Variants in AP1B1 observed in about 807,000 individuals in gnomAD.
AP1B1 encodes the protein adaptor related protein complex 1 subunit beta 1.
In AP1B1, 36 loss-of-function variants were observed where a neutral mutation model predicts 104.3. The ratio of observed to expected loss-of-function variants is 0.35; its 90% confidence interval spans 0.26 to 0.46. The LOEUF (loss-of-function observed/expected upper bound fraction) is 0.46. Ranked by LOEUF, AP1B1 falls within the 20% of genes least tolerant of loss-of-function variation. The pLI, the probability that AP1B1 is intolerant of heterozygous loss-of-function variation, is 1.00. For synonymous variants in AP1B1, 504 were observed against 517.5 expected (o/e 0.97, Z 0.35); for missense variants, 901 against 1,247.9 (o/e 0.72, Z 4.19).
intron 16 of AP1B1, among the ~76,000 whole-genome samples, chr22:29,338,512 C>T (rs992830544): frequency 6.6e-6 from 1 of 152,184 alleles, no homozygotes; most frequent in African/African-American, 2.4e-5. Flanking sequence ...TTTATGTCTC[C>T]TCCATGCAGT....
At chr22:29,364,644 G>A (rs1234642871) in intron 2 of AP1B1, among the ~76,000 whole-genome samples, 2 of 151,048 alleles carry the variant, frequency 1.3e-5, no homozygotes, top group Non-Finnish European at 2.9e-5. Context: ...GTCTTGAACT[G>A]ATCTCGTGAT....
intron 17 of AP1B1, among the ~76,000 whole-genome samples, chr22:29,332,487 T>C (rs2061576042): frequency 6.6e-6 from 1 of 152,136 alleles, no homozygotes; most frequent in Non-Finnish European, 1.5e-5. Context: ...TCCTCATGGG[T>C]GTGAGACACG....
intron 11 of AP1B1, among the ~76,000 whole-genome samples, chr22:29,346,800 G>T (rs540899960): frequency 6.6e-6 from 1 of 152,108 alleles, no homozygotes; most frequent in Admixed American, 6.5e-5. Context: ...GCAGTGGGGG[G>T]GGGTGACGGT....
At chr22:29,334,458 A>G in intron 16 of AP1B1, 48 bp from the exon 17 acceptor site, 2 of 1,551,740 alleles carry the variant, frequency 1.3e-6, no homozygotes, top group Non-Finnish European at 1.7e-6. Context: ...CTCTTCCTGC[A>G]GCCCAAACTC....
intron 1 of AP1B1, among the ~76,000 whole-genome samples, chr22:29,382,211 C>T (rs2062447350): frequency 6.6e-6 from 1 of 151,938 alleles, no homozygotes; most frequent in Admixed American, 6.6e-5. Context: ...GTGCCATGCC[C>T]AGCTAATCTT....
At chr22:29,346,426 G>C (rs2061793428) in intron 11 of AP1B1, among the ~76,000 whole-genome samples, 1 of 152,206 alleles carries the variant, frequency 6.6e-6, no homozygotes. Context: ...GTTTCAGGAT[G>C]AAACTGCTCC....
Position 29,339,586 on chromosome 22 carries a change from C to T in AP1B1, c.2019+168G>A, listed in dbSNP as rs573067337. Among the ~76,000 whole-genome samples, 7 of 151,904 alleles carry T rather than the reference C, an allele frequency of 4.6e-5. No homozygotes were observed. The East Asian group carries it at 1.4e-3, about 30-fold the overall frequency. ...CATGGCTATGGGGCCCAGTGGCAGC[C>T]GGATGCCAGGTGGTCAAGACAGAGG... On this transcript the variant is annotated intron_variant, in intron 15 of 22. Coordinates refer to ENST00000357586, the MANE Select transcript of AP1B1 (RefSeq NM_001127.4).
intron 1 of AP1B1, among the ~76,000 whole-genome samples, chr22:29,382,537 G>T (rs1246047960): frequency 6.6e-6 from 1 of 152,134 alleles, no homozygotes. Flanking sequence ...CCGTAAGCAA[G>T]ATAAGTGAGT....
chr22:29,343,372 G>A (rs1028063835), intron 11 of AP1B1, among the ~76,000 whole-genome samples: 5 of 152,254 alleles, frequency 3.3e-5, no homozygotes, highest in African/African-American at 1.2e-4. Flanking sequence ...CAGCAGGAGG[G>A]CACTTGTGCA....
chr22:29,375,174 C>T (rs1376468709), intron 1 of AP1B1, among the ~76,000 whole-genome samples: 8 of 150,206 alleles, frequency 5.3e-5, no homozygotes, highest in Admixed American at 1.3e-4. Flanking sequence ...CATAGTGAAA[C>T]CCCGTCTCTA....
intron 16 of AP1B1, among the ~76,000 whole-genome samples, chr22:29,337,136 T>G (rs2061650269): frequency 6.6e-6 from 1 of 152,220 alleles, no homozygotes; most frequent in African/African-American, 2.4e-5. Flanking sequence ...CACAGGTGGT[T>G]CTCACGCTCT....
In AP1B1 at chr22:29,328,705, C is replaced by T; in HGVS notation, c.*116G>A. ...GGTTCTGCCATCAGGACCAGGGAGC[C>T]CACTGAGTGGCCTGGAGCCCCGCCT... On this transcript the variant is annotated 3_prime_UTR_variant, in exon 23 of 23. Transcript: ENST00000357586. The surrounding 1 kb of genome is among the most constrained non-coding windows in gnomAD (Gnocchi z 4.1). 7.6e-7 allele frequency: 1 copy of T among 1,310,578 alleles called. No individual in the cohort carries two copies. Among genetic ancestry groups the T allele is most frequent in the Non-Finnish European group, 1.0e-6 (1 of 960,096 alleles). The allele number at this position is 1,310,578 out of a possible 1,614,324, so 81.2% of individuals were successfully genotyped here. A position where few individuals can be genotyped will look rare whatever the true frequency, so the allele number is the denominator to read the frequency against.
chr22:29,329,581 C>A (rs964582936), intron 22 of AP1B1, 131 bp downstream of exon 22: 23 of 1,536,726 alleles, frequency 1.5e-5, no homozygotes, highest in Non-Finnish European at 1.4e-5. Context: ...TCAGGGCCAC[C>A]TGGCTGAAGC....
chr22:29,346,492 T>C (rs533200080), intron 11 of AP1B1, among the ~76,000 whole-genome samples: 10 of 152,278 alleles, frequency 6.6e-5, no homozygotes, highest in African/African-American at 1.9e-4. Flanking sequence ...ATCCCTCTCA[T>C]GTGCAGTTCA....
intron 21 of AP1B1, chr22:29,330,126 C>G: frequency 7.0e-7 from 1 of 1,424,682 alleles, no homozygotes. Flanking sequence ...AACTGCACCA[C>G]CTTACAGGGC....
rs146951334 is a variant in AP1B1, at chr22:29,346,142, A to G, written c.1437+3076T>C. Among the ~76,000 whole-genome samples, 342 of 152,330 alleles carry G rather than the reference A, an allele frequency of 2.2e-3. 1 individual carries two copies. The highest frequency in any genetic ancestry group is 0.021 in the South Asian group (99 of 4,818). On this transcript the variant is annotated intron_variant, in intron 11 of 22. Coordinates refer to ENST00000357586, the MANE Select transcript of AP1B1 (RefSeq NM_001127.4). Reference sequence around the variant, plus strand: ...CAAGGAAATGGGTTTGGTGAGTTCAAGTAACTGTGCTCCAGGCCACACAAC... The same window carrying G: ...CAAGGAAATGGGTTTGGTGAGTTCAGGTAACTGTGCTCCAGGCCACACAAC...
At chr22:29,379,934 G>A (rs1569167548) in intron 1 of AP1B1, among the ~76,000 whole-genome samples, 1 of 152,176 alleles carries the variant, frequency 6.6e-6, no homozygotes, top group Non-Finnish European at 1.5e-5. Flanking sequence ...GAGACACTGA[G>A]AGATGAGTGA....
chr22:29,328,109 A>C lies in AP1B1; in HGVS notation c.*712T>G, dbSNP rs2147922448. 6.5e-6 allele frequency: 1 copy of C among 152,926 alleles called. No individual in the cohort carries two copies. The allele number at this position is 152,926 out of a possible 1,614,324, so 9.5% of individuals were successfully genotyped here. On this transcript the variant is annotated 3_prime_UTR_variant, in exon 23 of 23. Transcript: ENST00000357586. This position sits in a 1 kb window ranked among gnomAD's most constrained non-coding sequence, Gnocchi z 4.1. ...CAGGCAGTGACCACCCTTGGGGCAGAAGTGGGGAGTTGGGGATAGTGCAGC... is the reference window on the plus strand; with the variant it reads ...CAGGCAGTGACCACCCTTGGGGCAGCAGTGGGGAGTTGGGGATAGTGCAGC...
At chr22:29,341,357 T>C (rs2061711710) in intron 13 of AP1B1, 144 bp downstream of exon 13, 1 of 1,049,536 alleles carries the variant, frequency 9.5e-7, no homozygotes, top group Non-Finnish European at 1.4e-6. Flanking sequence ...ATACCTTGTG[T>C]ACAATAAATA....
Sources: allele counts gnomAD v4.1 joint callset (sites outside exome capture counted in the v4.1 genomes callset), GRCh38; gene constraint gnomAD v4.1.1; non-coding constraint Gnocchi (gnomAD v3.1); transcripts MANE v1.5; gene names NCBI Gene and HGNC (gene_info 2026-07-23, HGNC 2026-07-21).